The following TMEM232 variants were observed in gnomAD, a reference collection of about 807,000 sequenced individuals.
TMEM232 encodes the protein transmembrane protein 232.
A neutral mutation model predicts 78.8 loss-of-function variants in TMEM232; 80 were observed. The ratio of observed to expected loss-of-function variants is 1.01; its 90% confidence interval spans 0.85 to 1.22. TMEM232 has a LOEUF of 1.22. Ranked by LOEUF, TMEM232 falls within the 50% of genes most tolerant of loss-of-function variation. The pLI is 0.00. For missense variants in TMEM232, 881 were observed against 742.2 expected, an observed-to-expected ratio of 1.19 and a Z score of -2.17; for synonymous variants, 297 against 254.3, an observed-to-expected ratio of 1.17 and a Z score of -1.60.
chr5:110,526,389 T>C (rs75711425), intron 12 of TMEM232, among the ~76,000 whole-genome samples: 2 of 150,816 alleles, frequency 1.3e-5, no homozygotes, highest in Non-Finnish European at 3.0e-5. Context: ...CAGTAAAAAA[T>C]GGGCAAAAAA....
At chr5:110,564,421 A>G (rs536704038) in intron 11 of TMEM232, among the ~76,000 whole-genome samples, 1 of 151,966 alleles carries the variant, frequency 6.6e-6, no homozygotes, top group Non-Finnish European at 1.5e-5. Context: ...GGAGAAAAAT[A>G]TATACGTTTA....
At chr5:110,518,694 C>A (rs999625727) in intron 12 of TMEM232, among the ~76,000 whole-genome samples, 9 of 152,088 alleles carry the variant, frequency 5.9e-5, no homozygotes, top group Non-Finnish European at 1.5e-5. Context: ...GGAAAGCCTG[C>A]CCACCAGGCT....
chr5:110,605,404 A>T lies in TMEM232; in HGVS notation c.1027-46T>A, dbSNP rs541133720. 37 of 1,508,108 alleles carry T rather than the reference A, an allele frequency of 2.5e-5. No homozygotes were observed. In the African/African-American group the frequency reaches 4.3e-4, roughly 18 times the overall value. The allele number at this position is 1,508,108 out of a possible 1,614,324, so 93.4% of individuals were successfully genotyped here. ...TTTGATCATCAAAGTATATCTTTGCATATCAATAACTACACAGTGTACTTA... is the reference window on the plus strand; with the variant it reads ...TTTGATCATCAAAGTATATCTTTGCTTATCAATAACTACACAGTGTACTTA... On this transcript the variant is annotated intron_variant, in intron 9 of 13. Coordinates refer to ENST00000455884, the MANE Select transcript of TMEM232 (RefSeq NM_001039763.4).
chr5:110,503,365 A>G (rs1766487417), intron 12 of TMEM232, among the ~76,000 whole-genome samples: 1 of 152,086 alleles, frequency 6.6e-6, no homozygotes, highest in East Asian at 1.9e-4. Context: ...TGAATTTTCA[A>G]TTTACTGAGA....
chr5:110,402,605 C>T (rs1755642491), intron 2 of TMEM232, among the ~76,000 whole-genome samples: 1 of 152,102 alleles, frequency 6.6e-6, no homozygotes, highest in Non-Finnish European at 1.5e-5. Flanking sequence ...GAGAACCAGT[C>T]TCAGCACGAT....
At chr5:110,490,395 A>G (rs975771174) in intron 12 of TMEM232, among the ~76,000 whole-genome samples, 1 of 152,166 alleles carries the variant, frequency 6.6e-6, no homozygotes, top group Non-Finnish European at 1.5e-5. Flanking sequence ...GACATTCTGT[A>G]TTTATGAATT....
chr5:110,568,816 T>C (rs546682609), intron 10 of TMEM232, among the ~76,000 whole-genome samples, 191 bp from the exon 11 acceptor site: 1 of 152,066 alleles, frequency 6.6e-6, no homozygotes, highest in African/African-American at 2.4e-5. Flanking sequence ...TCACAGATCA[T>C]TTTAAAATTT....
At chr5:110,640,325 A>G (rs1418811589) in intron 4 of TMEM232, among the ~76,000 whole-genome samples, 1 of 152,200 alleles carries the variant, frequency 6.6e-6, no homozygotes, top group African/African-American at 2.4e-5. Context: ...TTAACATTCT[A>G]AAACTACTTT....
chr5:110,614,315 G>C (rs534158940), intron 8 of TMEM232, among the ~76,000 whole-genome samples: 29 of 152,206 alleles, frequency 1.9e-4, no homozygotes, highest in African/African-American at 6.7e-4. Context: ...GCATTGGAGA[G>C]AGTGCTATAT....
chr5:110,429,169 C>T (rs957702263), intron 12 of TMEM232, among the ~76,000 whole-genome samples: 16 of 151,670 alleles, frequency 1.1e-4, no homozygotes, highest in African/African-American at 2.9e-4. Flanking sequence ...CACGGTATAC[C>T]GGGAAAATGG....
chr5:110,657,671 G>A (rs958463057), intron 2 of TMEM232, among the ~76,000 whole-genome samples: 10 of 152,018 alleles, frequency 6.6e-5, no homozygotes, highest in African/African-American at 2.4e-4. Context: ...TTGTTTTCGT[G>A]TTCTATTACA....
At chr5:110,431,797 G>A (rs1429783482) in intron 12 of TMEM232, among the ~76,000 whole-genome samples, 1 of 151,630 alleles carries the variant, frequency 6.6e-6, no homozygotes, top group Non-Finnish European at 1.5e-5. Context: ...AAGAAGATTG[G>A]TGAATTGGAA....
intron 10 of TMEM232, among the ~76,000 whole-genome samples, chr5:110,603,901 C>T (rs946032123): frequency 5.9e-5 from 9 of 152,040 alleles, no homozygotes; most frequent in Non-Finnish European, 1.2e-4. Context: ...TTTCTAAAGT[C>T]TTACTATTTA....
At chr5:110,691,793 G>A (rs576860403) in intron 1 of TMEM232, among the ~76,000 whole-genome samples, 32 of 152,310 alleles carry the variant, frequency 2.1e-4, no homozygotes, top group African/African-American at 7.0e-4. Flanking sequence ...ATGTAAATGA[G>A]CATCACTCAA....
At chr5:110,626,747 C>G (rs1784476363) in intron 6 of TMEM232, among the ~76,000 whole-genome samples, 1 of 151,920 alleles carries the variant, frequency 6.6e-6, no homozygotes, top group Non-Finnish European at 1.5e-5. Flanking sequence ...GGGTATGCTC[C>G]CAAGATCAGC....
intron 12 of TMEM232, among the ~76,000 whole-genome samples, chr5:110,512,585 T>C (rs1767942211): frequency 1.3e-5 from 2 of 152,182 alleles, no homozygotes; most frequent in South Asian, 2.1e-4. Flanking sequence ...GAAACATCAA[T>C]TTCCCTGACA....
intron 1 of TMEM232, among the ~76,000 whole-genome samples, chr5:110,689,668 A>T (rs1487884011): frequency 6.6e-6 from 1 of 152,168 alleles, no homozygotes; most frequent in Non-Finnish European, 1.5e-5. Flanking sequence ...AAAAGGGCCC[A>T]TATAGCCAAG....
chr5:110,734,875 A>G (rs150178111), intron 2 of TMEM232: 25 of 152,304 alleles, frequency 1.6e-4, no homozygotes, highest in African/African-American at 5.8e-4. Flanking sequence ...TTAAAATATT[A>G]CTAAATTTCA....
At chr5:110,408,745 A>C (rs1035061537) in intron 2 of TMEM232, among the ~76,000 whole-genome samples, 12 of 152,196 alleles carry the variant, frequency 7.9e-5, no homozygotes, top group African/African-American at 2.9e-4. Flanking sequence ...GGAGACAACA[A>C]CCGAGAACAC....
Sources: allele counts gnomAD v4.1 joint callset (sites outside exome capture counted in the v4.1 genomes callset), GRCh38; gene constraint gnomAD v4.1.1; transcripts MANE v1.5; gene names NCBI Gene and HGNC (gene_info 2026-07-23, HGNC 2026-07-21).